The following DZIP3 variants were observed in gnomAD, a reference collection of about 807,000 sequenced individuals.
DZIP3 encodes the protein E3 ubiquitin-protein ligase DZIP3.
DZIP3 carries 118 observed loss-of-function variants against 162.0 expected under a neutral mutation model. That is an observed-to-expected ratio of 0.73 (90% CI 0.63 to 0.85). DZIP3 has a LOEUF of 0.85. Ranked by LOEUF, DZIP3 falls within the 40% of genes least tolerant of loss-of-function variation. The pLI is 0.00. For missense variants in DZIP3, 1,331 were observed against 1,407.0 expected (o/e 0.95, Z 0.86); for synonymous variants, 438 against 458.6 (o/e 0.96, Z 0.57).
In DZIP3 at chr3:108,684,338, C is replaced by G. The variant is rs779715715; in HGVS notation, c.3006C>G (p.Pro1002=). ...CTGCAACTGGCCAACCTAGAGCCCCCCTGGTAAAAGCTTTCTTGGTGGAAT... is the reference window on the plus strand; with the variant it reads ...CTGCAACTGGCCAACCTAGAGCCCCGCTGGTAAAAGCTTTCTTGGTGGAAT... ...VVSATGQPRA[P]LMTGIAWALP... is the part of the protein sequence containing the mutation. The change falls in exon 27 of 33, where the codon CCC becomes CCG. Residue 1002 remains proline (P), a synonymous_variant. Transcript: ENST00000361582. 68 of 1,608,362 alleles carry G rather than the reference C, an allele frequency of 4.2e-5. No individual in the cohort carries two copies. The highest frequency in any genetic ancestry group is 5.4e-5 in the Non-Finnish European group (64 of 1,177,808).
chr3:108,661,774 CAAAA>C (rs1943447156), intron 19 of DZIP3, 99 bp from the exon 20 acceptor site: 1 of 819,364 alleles, frequency 1.2e-6, no homozygotes, highest in African/African-American at 1.7e-5. Context: ...TGACTTGAGA[CAAAA>C]AACGTGAAAG....
intron 6 of DZIP3, among the ~76,000 whole-genome samples, chr3:108,625,122 T>C (rs530057362): frequency 6.6e-6 from 1 of 152,312 alleles, no homozygotes; most frequent in East Asian, 1.9e-4. Context: ...CTAGGGAATA[T>C]TTTAAAGTAA....
intron 19 of DZIP3, among the ~76,000 whole-genome samples, chr3:108,657,818 A>G (rs1341315512): frequency 6.6e-6 from 1 of 152,174 alleles, no homozygotes; most frequent in Non-Finnish European, 1.5e-5. Flanking sequence ...ATGGAAAACA[A>G]AAAAAGGCAG....
At position 108,683,213 on chromosome 3, in the gene DZIP3, T is replaced by C. The variant is rs1168747213; in HGVS notation, c.2884-1003T>C. On this transcript the variant is annotated intron_variant, in intron 26 of 32. Coordinates refer to ENST00000361582, the MANE Select transcript of DZIP3 (RefSeq NM_014648.4). ...GATGAGGAACTCTTACTGGATATAA[T>C]CATAACACCATTGTCTTACCTAAGA... Among the ~76,000 whole-genome samples the C allele has an allele frequency of 2.0e-5, 3 of 150,836 alleles. 1 individual carries two copies. The highest frequency in any genetic ancestry group is 5.0e-5 in the African/African-American group (2 of 40,144).
At chr3:108,653,887 C>T (rs954669880) in intron 18 of DZIP3, among the ~76,000 whole-genome samples, 12 of 152,138 alleles carry the variant, frequency 7.9e-5, no homozygotes, top group African/African-American at 2.9e-4. Flanking sequence ...TCTGTAGTGT[C>T]ATAATTCTTG....
chr3:108,684,376 GT>G lies in DZIP3; in HGVS notation c.3009+42del, dbSNP rs747181786. Reference sequence around the variant, plus strand: ...TTCTTGGTGGAATAGATGTTAATTAGTTTTTTTATTACTCTAGTGGGCTTCC... The same window carrying G: ...TTCTTGGTGGAATAGATGTTAATTAGTTTTTTATTACTCTAGTGGGCTTCC... On this transcript the variant is annotated intron_variant, in intron 27 of 32. Coordinates refer to ENST00000361582, the MANE Select transcript of DZIP3 (RefSeq NM_014648.4). 1.4e-5 allele frequency: 22 copies of G among 1,591,300 alleles called. No individual in the cohort carries two copies. The South Asian group carries it at 2.4e-4, about 17-fold the overall frequency.
At chr3:108,610,758 G>T (rs561529863) in intron 3 of DZIP3, among the ~76,000 whole-genome samples, 1 of 152,268 alleles carries the variant, frequency 6.6e-6, no homozygotes, top group South Asian at 2.1e-4. Context: ...CAATTACTGT[G>T]CCTTATTAAT....
intron 27 of DZIP3, among the ~76,000 whole-genome samples, chr3:108,684,954 A>G (rs1193334212): frequency 2.6e-5 from 4 of 152,164 alleles, no homozygotes; most frequent in African/African-American, 9.6e-5. Context: ...ATTAAAGGAA[A>G]ATCTTCCAAA....
chr3:108,671,288 C>T (rs1943919111), intron 22 of DZIP3, among the ~76,000 whole-genome samples: 4 of 151,904 alleles, frequency 2.6e-5, no homozygotes, highest in Admixed American at 2.0e-4. Context: ...TCAAGTTTCT[C>T]ATCAATGTTT....
intron 1 of DZIP3, among the ~76,000 whole-genome samples, chr3:108,591,921 G>A (rs1021417866): frequency 6.6e-6 from 1 of 150,900 alleles, no homozygotes; most frequent in African/African-American, 2.4e-5. Flanking sequence ...ACTTGAGGCT[G>A]CAGTGAGTGT....
chr3:108,690,744 A>C, intron 31 of DZIP3, 43 bp from the exon 32 acceptor site: 1 of 1,571,356 alleles, frequency 6.4e-7, no homozygotes, highest in Non-Finnish European at 8.8e-7. Context: ...TGCCTCTGCT[A>C]GGCTACATCT....
chr3:108,620,494 T>C (rs1941275298), intron 5 of DZIP3, among the ~76,000 whole-genome samples: 1 of 152,224 alleles, frequency 6.6e-6, no homozygotes, highest in Non-Finnish European at 1.5e-5. Context: ...AGCTTTTTAA[T>C]GCCCAGGCTT....
At chr3:108,689,441 T>C (rs907041202) in intron 31 of DZIP3, among the ~76,000 whole-genome samples, 2 of 152,150 alleles carry the variant, frequency 1.3e-5, no homozygotes, top group Admixed American at 1.3e-4. Flanking sequence ...CCCAGCACTT[T>C]AGGAGGCTGA....
chr3:108,631,022 C>A (rs948331071), intron 8 of DZIP3, among the ~76,000 whole-genome samples: 1 of 71,582 alleles, frequency 1.4e-5, no homozygotes, highest in Non-Finnish European at 2.6e-5. Flanking sequence ...CACACACACA[C>A]ACACACACAC....
intron 26 of DZIP3, among the ~76,000 whole-genome samples, chr3:108,681,391 C>T (rs533952794): frequency 5.1e-4 from 78 of 152,160 alleles, no homozygotes; most frequent in African/African-American, 1.8e-3. Flanking sequence ...TACCATCTCA[C>T]GCCAGTTAGA....
At chr3:108,655,348 GCCTT>G (rs1559761384) in intron 19 of DZIP3, among the ~76,000 whole-genome samples, 1 of 152,156 alleles carries the variant, frequency 6.6e-6, no homozygotes, top group African/African-American at 2.4e-5. Context: ...AATTAAGACT[GCCTT>G]AGAATGCAGG....
Position 108,640,635 on chromosome 3 carries a change from G to A in DZIP3, c.1065-1803G>A, listed in dbSNP as rs146880515. On this transcript the variant is annotated intron_variant, in intron 12 of 32. Coordinates refer to ENST00000361582, the MANE Select transcript of DZIP3 (RefSeq NM_014648.4). ...TAATTTTTGTATTTTTAGTAGAGAC[G>A]GGGTTTCACCACATTGGCTAGGATG... is the stretch of plus-strand genomic sequence containing the variant. Among the ~76,000 whole-genome samples, 708 of 151,888 alleles carry A rather than the reference G, an allele frequency of 4.7e-3. 5 individuals are homozygous for A. Among genetic ancestry groups the A allele is most frequent in the African/African-American group, 0.016 (673 of 41,436 alleles).
intron 22 of DZIP3, among the ~76,000 whole-genome samples, chr3:108,672,150 C>T (rs1048061078): frequency 1.3e-5 from 2 of 151,868 alleles, no homozygotes; most frequent in African/African-American, 4.8e-5. Context: ...ATTGGAGTTC[C>T]GCCCTTATGA....
chr3:108,623,570 G>A (rs1285971968), intron 5 of DZIP3, among the ~76,000 whole-genome samples: 1 of 152,194 alleles, frequency 6.6e-6, no homozygotes, highest in Non-Finnish European at 1.5e-5. Flanking sequence ...GAGGGAAGGT[G>A]TCTCTCCCAG....
Sources: allele counts gnomAD v4.1 joint callset (sites outside exome capture counted in the v4.1 genomes callset), GRCh38; gene constraint gnomAD v4.1.1; transcripts MANE v1.5; gene names NCBI Gene and HGNC (gene_info 2026-07-23, HGNC 2026-07-21).